The following HDAC9 variants were observed in gnomAD, a reference collection of about 807,000 sequenced individuals.
HDAC9 encodes MEF-2 interacting transcription repressor (MITR) protein.
Under a neutral mutation model 139.4 loss-of-function variants are expected in HDAC9, and 41 were observed. That is an observed-to-expected ratio of 0.29 (90% CI 0.23 to 0.38). The LOEUF is 0.38. HDAC9 is among the 10% of genes least tolerant of loss of function. HDAC9 has a pLI of 1.00. For synonymous variants in HDAC9, 517 were observed against 476.2 expected (o/e 1.09, Z -1.12); for missense variants, 1,147 against 1,297.0 (o/e 0.88, Z 1.78).
chr7:18,813,084 A>G (rs1445068430), intron 17 of HDAC9, among the ~76,000 whole-genome samples: 3 of 151,748 alleles, frequency 2.0e-5, no homozygotes, highest in Admixed American at 2.0e-4. Context: ...GCTTATAATT[A>G]TTTTTCAGAT....
intron 2 of HDAC9, among the ~76,000 whole-genome samples, chr7:18,281,943 C>T (rs527681934): frequency 2.0e-5 from 3 of 152,258 alleles, no homozygotes; most frequent in Non-Finnish European, 4.4e-5. Context: ...GAAGGGGCTT[C>T]TGTTGAACAA....
intron 2 of HDAC9, among the ~76,000 whole-genome samples, chr7:18,208,222 G>C (rs537489222): frequency 7.2e-5 from 11 of 152,140 alleles, no homozygotes; most frequent in African/African-American, 2.6e-4. Context: ...TAGTTACCCA[G>C]ATGACCACCT....
rs1796725324 is a variant in HDAC9, at chr7:18,276,438, T to A, written c.25+114089T>A. Among the ~76,000 whole-genome samples the A allele has an allele frequency of 3.3e-5, 5 of 152,334 alleles. 1 individual carries two copies. The South Asian group carries it at 1.0e-3, about 32-fold the overall frequency. ...AGAATGTCTTGCCTAATGCATTCAG[T>A]TTGTGTCAGCTTCTTGATATTATTT... On this transcript the variant is annotated intron_variant, in intron 2 of 12. Transcript: ENST00000417496.
intron 16 of HDAC9, among the ~76,000 whole-genome samples, chr7:18,780,346 G>GAGAT: frequency 6.6e-6 from 1 of 152,036 alleles, no homozygotes; most frequent in Admixed American, 6.6e-5. Flanking sequence ...AGATCAGATA[G>GAGAT]CAGGCTCCCA....
chr7:18,947,023 C>T (rs1165098407), intron 23 of HDAC9, among the ~76,000 whole-genome samples: 1 of 151,896 alleles, frequency 6.6e-6, no homozygotes, highest in Non-Finnish European at 1.5e-5. Flanking sequence ...CAAATATACT[C>T]TAATTCATGT....
chr7:18,898,672 A>G (rs1801430641), intron 22 of HDAC9, among the ~76,000 whole-genome samples: 1 of 151,924 alleles, frequency 6.6e-6, no homozygotes, highest in Non-Finnish European at 1.5e-5. Flanking sequence ...TCCATTGATC[A>G]TCAGTCTGCT....
chr7:18,424,144 A>G (rs1447084804), intron 1 of HDAC9, among the ~76,000 whole-genome samples: 2 of 152,244 alleles, frequency 1.3e-5, no homozygotes, highest in East Asian at 3.8e-4. Context: ...GTCTGACAAA[A>G]AAGAGCTTGA....
chr7:18,501,092 T>C (rs954852381), intron 2 of HDAC9, among the ~76,000 whole-genome samples: 8 of 152,098 alleles, frequency 5.3e-5, no homozygotes, highest in Admixed American at 3.9e-4. Context: ...TGAAAGAGGC[T>C]GCTTGACAGT....
chr7:18,142,446 A>T (rs1317184932), intron 1 of HDAC9, among the ~76,000 whole-genome samples: 2 of 152,114 alleles, frequency 1.3e-5, no homozygotes, highest in African/African-American at 4.8e-5. Context: ...ACGTTTGAAG[A>T]TGAAATATAC....
At chr7:18,538,595 G>A (rs1361637035) in intron 2 of HDAC9, among the ~76,000 whole-genome samples, 1 of 152,190 alleles carries the variant, frequency 6.6e-6, no homozygotes, top group East Asian at 1.9e-4. Context: ...CTTGACTCAT[G>A]TGTGCAGTTA....
intron 1 of HDAC9, among the ~76,000 whole-genome samples, chr7:18,448,716 G>A (rs1178502064): frequency 6.6e-6 from 1 of 152,008 alleles, no homozygotes; most frequent in African/African-American, 2.4e-5. Flanking sequence ...TTGCAAAAAT[G>A]GTACAAATTA....
intron 2 of HDAC9, among the ~76,000 whole-genome samples, chr7:18,513,702 A>G (rs1802295253): frequency 6.6e-6 from 1 of 152,216 alleles, no homozygotes; most frequent in South Asian, 2.1e-4. Flanking sequence ...TAGGTAATCT[A>G]GCTGTCTTCT....
chr7:18,153,425 C>T (rs73681720), intron 1 of HDAC9, among the ~76,000 whole-genome samples: 3,885 of 152,178 alleles, frequency 0.026, 163 homozygotes, highest in African/African-American at 0.088. Context: ...TAGCAGCCCA[C>T]GACCAGTCTG....
intron 6 of HDAC9, among the ~76,000 whole-genome samples, chr7:18,612,936 C>G (rs1837568221): frequency 6.6e-6 from 1 of 151,520 alleles, no homozygotes; most frequent in Non-Finnish European, 1.5e-5. Context: ...AAATTTGAAA[C>G]TTTAGGCTGA....
chr7:18,810,118 C>T (rs1255757308), intron 17 of HDAC9, among the ~76,000 whole-genome samples: 1 of 151,808 alleles, frequency 6.6e-6, no homozygotes, highest in African/African-American at 2.4e-5. Flanking sequence ...AATCCAGACA[C>T]TTACATGTGG....
intron 12 of HDAC9, among the ~76,000 whole-genome samples, chr7:18,681,088 A>G (rs1489565214): frequency 6.6e-6 from 1 of 151,972 alleles, no homozygotes; most frequent in Non-Finnish European, 1.5e-5. Context: ...ACTGAGGACA[A>G]TTTTCATTGC....
exon 2 of HDAC9, chr7:18,162,263 C>T: frequency 6.8e-7 from 1 of 1,471,450 alleles, no homozygotes; most frequent in South Asian, 1.2e-5. Context: ...GGACCATTGT[C>T]AGCAGTTGAA....
intron 2 of HDAC9, among the ~76,000 whole-genome samples, chr7:18,518,326 A>G (rs755132911): frequency 1.3e-5 from 2 of 152,212 alleles, no homozygotes; most frequent in Non-Finnish European, 2.9e-5. Context: ...AATGAGCTTT[A>G]GGCAGTTTCT....
chr7:18,864,836 G>A (rs1485472224), intron 21 of HDAC9, among the ~76,000 whole-genome samples: 2 of 151,174 alleles, frequency 1.3e-5, no homozygotes, highest in African/African-American at 4.9e-5. Context: ...CGGTGGTGAT[G>A]GTTGCACAAC....
Sources: gnomAD v4.1 joint callset for allele counts (sites outside exome capture counted in the v4.1 genomes callset) on GRCh38, gnomAD v4.1.1 for gene constraint, MANE v1.5 for transcripts, NCBI Gene and HGNC (gene_info 2026-07-23, HGNC 2026-07-21) for gene names.